SEC24A: variants seen among roughly 807,000 people sequenced by gnomAD.
SEC24A encodes the protein SEC24 homolog A, COPII component.
Under a neutral mutation model 129.4 loss-of-function variants are expected in SEC24A, and 93 were observed. The ratio of observed to expected loss-of-function variants is 0.72; its 90% CI spans 0.61 to 0.85. SEC24A has a LOEUF of 0.85. Among genes scored for constraint, SEC24A ranks in the 40% least tolerant of loss-of-function variants. The pLI, the probability that SEC24A is intolerant of heterozygous loss-of-function variation, is 0.00. For synonymous variants in SEC24A, 460 were observed against 467.3 expected (o/e 0.98, Z 0.20); for missense variants, 1,264 against 1,307.4 (o/e 0.97, Z 0.51).
At chr5:134,655,422 G>A (rs1182461153) in intron 1 of SEC24A, among the ~76,000 whole-genome samples, 81 of 152,178 alleles carry the variant, frequency 5.3e-4, no homozygotes. Flanking sequence ...AGGTCAAGGC[G>A]GGTGGATCAC....
At position 134,727,253 on chromosome 5, in the gene SEC24A, A is replaced by G. The variant is rs1328945144; in HGVS notation, c.*2159A>G. 1.3e-5 allele frequency: 2 copies of G among 152,382 alleles called. No homozygotes were observed. The highest frequency in any genetic ancestry group is 2.9e-5 in the Non-Finnish European group (2 of 67,964). 9.4% of individuals were successfully genotyped at this position (152,382 alleles called of 1,614,324 possible). On this transcript the variant is annotated 3_prime_UTR_variant, in exon 23 of 23. Coordinates refer to ENST00000398844, the MANE Select transcript of SEC24A (RefSeq NM_021982.3). ...ACACTATGCCATATTTTTTTTAATT[A>G]TAGTTGTAAATTATGAAAGATCCTT...
chr5:134,653,586 C>A (rs966163569), intron 1 of SEC24A, among the ~76,000 whole-genome samples: 1 of 152,098 alleles, frequency 6.6e-6, no homozygotes, highest in Admixed American at 6.6e-5. Context: ...AAGACCTCAC[C>A]AGGTGTGGTG....
intron 1 of SEC24A, among the ~76,000 whole-genome samples, chr5:134,651,699 A>G (rs549349491): frequency 3.9e-5 from 6 of 152,038 alleles, no homozygotes; most frequent in Non-Finnish European, 7.4e-5. Context: ...CCTGACCTCA[A>G]GTGATCCTCC....
intron 1 of SEC24A, among the ~76,000 whole-genome samples, chr5:134,655,871 A>G (rs531026292): frequency 1.6e-4 from 25 of 151,946 alleles, no homozygotes; most frequent in Middle Eastern, 3.4e-3. Context: ...CTATTTCTCA[A>G]CAGCAGTATT....
rs146600860 is a variant in SEC24A at position 134,714,522 on chromosome 5, G to A, written c.2728-502G>A. Among the ~76,000 whole-genome samples, 5 of 152,286 alleles carry A rather than the reference G, an allele frequency of 3.3e-5. No homozygotes were observed. The East Asian group carries it at 9.6e-4, about 29-fold the overall frequency. On this transcript the variant is annotated intron_variant, in intron 18 of 22. Coordinates refer to ENST00000398844, the MANE Select transcript of SEC24A (RefSeq NM_021982.3). ...ATCTAATGTCTGATGATATGAGGTGGAACAGTTTCATCCCAAAATCATCCT... is the reference window on the plus strand; with the variant it reads ...ATCTAATGTCTGATGATATGAGGTGAAACAGTTTCATCCCAAAATCATCCT...
At chr5:134,712,926 AT>A (rs754704811) in intron 18 of SEC24A, among the ~76,000 whole-genome samples, 153 of 102,702 alleles carry the variant, frequency 1.5e-3, no homozygotes, top group East Asian at 2.4e-3. Context: ...AAATATTTAA[AT>A]TTTTTTTTTT....
intron 14 of SEC24A, 123 bp from the exon 15 acceptor site, chr5:134,697,776 C>G: frequency 9.7e-7 from 1 of 1,030,126 alleles, no homozygotes; most frequent in South Asian, 1.6e-5. Flanking sequence ...GGAATAAAAT[C>G]TCCTTTCTGA....
intron 17 of SEC24A, 57 bp downstream of exon 17, chr5:134,705,494 A>G (rs1461351238): frequency 8.7e-7 from 1 of 1,154,862 alleles, no homozygotes; most frequent in Non-Finnish European, 1.3e-6. Flanking sequence ...GGCACATCCA[A>G]ACAGTTTTGT....
chr5:134,691,170 C>CTT lies in SEC24A; in HGVS notation c.1724-1416_1724-1415dup, dbSNP rs59710898. On this transcript the variant is annotated intron_variant, in intron 11 of 22. Transcript: ENST00000398844. ...CATGCCCGGCCTCCATAGTCCCATT[C>CTT]TTTTTTTTTTTTTTTTTGAGAAGGA... Among the ~76,000 whole-genome samples, 83 of 117,870 alleles carry CTT rather than the reference C, an allele frequency of 7.0e-4. No homozygotes were observed. The East Asian group carries it at 0.012, about 18-fold the overall frequency. 77.3% of individuals were successfully genotyped at this position (117,870 alleles called of 152,430 possible). A position where few individuals can be genotyped will look rare whatever the true frequency, so the allele number is the denominator to read the frequency against.
At chr5:134,709,305 T>C (rs990973837) in intron 18 of SEC24A, among the ~76,000 whole-genome samples, 1 of 152,214 alleles carries the variant, frequency 6.6e-6, no homozygotes, top group South Asian at 2.1e-4. Flanking sequence ...TGTAACTTTA[T>C]GCTGGTTAAA....
intron 18 of SEC24A, among the ~76,000 whole-genome samples, chr5:134,713,874 C>CAA (rs151183691): frequency 7.8e-4 from 74 of 94,886 alleles, no homozygotes; most frequent in East Asian, 6.8e-3. Context: ...ACTAAAAATA[C>CAA]AAAAAAAAAA....
chr5:134,690,117 C>T (rs189961367), intron 11 of SEC24A, among the ~76,000 whole-genome samples: 236 of 152,286 alleles, frequency 1.5e-3, no homozygotes, highest in African/African-American at 4.7e-3. Flanking sequence ...CTCCCAGGTT[C>T]AAGTGATTTT....
intron 1 of SEC24A, among the ~76,000 whole-genome samples, chr5:134,655,580 A>G (rs564561218): frequency 6.6e-6 from 1 of 152,232 alleles, no homozygotes; most frequent in Admixed American, 6.5e-5. Flanking sequence ...CAGCAGGAGA[A>G]TCACTTGAAC....
chr5:134,695,339 A>AAACAAC, intron 13 of SEC24A, among the ~76,000 whole-genome samples: 1 of 151,726 alleles, frequency 6.6e-6, no homozygotes, highest in East Asian at 2.0e-4. Flanking sequence ...CCAACTTGGG[A>AAACAAC]AACAACAACA....
chr5:134,658,017 C>T (rs1339851479), intron 1 of SEC24A, among the ~76,000 whole-genome samples: 1 of 152,034 alleles, frequency 6.6e-6, no homozygotes, highest in Non-Finnish European at 1.5e-5. Flanking sequence ...GCCTGTAATC[C>T]CAGCACTTTG....
Position 134,721,321 on chromosome 5 carries a change from T to C in SEC24A, c.3063+231T>C, listed in dbSNP as rs569926471. Reference sequence around the variant, plus strand: ...CGGCTCACACTGTAATCCCAGCACTTTGGGAGGCCAGGGCGGGCTGATCAC... The same window carrying C: ...CGGCTCACACTGTAATCCCAGCACTCTGGGAGGCCAGGGCGGGCTGATCAC... On this transcript the variant is annotated intron_variant, in intron 21 of 22. Transcript: ENST00000398844. Among the ~76,000 whole-genome samples the C allele has an allele frequency of 1.4e-3, 220 of 152,070 alleles. 1 individual carries two copies. The highest frequency in any genetic ancestry group is 5.0e-3 in the African/African-American group (208 of 41,484).
chr5:134,701,017 C>G (rs73297321), intron 15 of SEC24A, among the ~76,000 whole-genome samples: 3,715 of 151,836 alleles, frequency 0.024, 65 homozygotes, highest in African/African-American at 0.056. Flanking sequence ...CGCGCCTGGA[C>G]TGTATTTTTA....
chr5:134,681,362 T>C (rs1261566319), intron 8 of SEC24A, among the ~76,000 whole-genome samples: 2 of 151,890 alleles, frequency 1.3e-5, no homozygotes, highest in Non-Finnish European at 2.9e-5. Context: ...ATTGCACCAT[T>C]GCACTCCAGC....
At chr5:134,673,216 C>A (rs1348552284) in intron 4 of SEC24A, among the ~76,000 whole-genome samples, 2 of 151,354 alleles carry the variant, frequency 1.3e-5, no homozygotes, top group African/African-American at 4.9e-5. Context: ...CCACCACGCC[C>A]AGTTAATTTT....
Sources: gnomAD v4.1 joint callset for allele counts (sites outside exome capture counted in the v4.1 genomes callset) on GRCh38, gnomAD v4.1.1 for gene constraint, MANE v1.5 for transcripts, NCBI Gene and HGNC (gene_info 2026-07-23, HGNC 2026-07-21) for gene names.